Variants in STS observed in about 807,000 individuals in gnomAD.
STS encodes the protein steroid sulfatase, also known as steryl-sulfatase.
STS carries 7 observed loss-of-function variants against 26.8 expected under a neutral mutation model. That is an observed-to-expected ratio of 0.26 (90% CI 0.15 to 0.49). The LOEUF is 0.49. Among genes scored for constraint, STS ranks in the 20% least tolerant of loss-of-function variants. STS has a pLI of 0.98. For missense variants in STS, 434 were observed against 465.6 expected (o/e 0.93, Z 0.63); for synonymous variants, 199 against 189.4 (o/e 1.05, Z -0.42).
chrX:7,347,488 C>T (rs1428944519), intron 10 of STS, among the ~76,000 whole-genome samples: 1 of 111,962 alleles, frequency 8.9e-6, no homozygotes, highest in Admixed American at 9.5e-5. Context: ...CATTCCCAGG[C>T]CGGGGTGCCT....
At chrX:7,253,933 C>T (rs760346417) in intron 3 of STS, among the ~76,000 whole-genome samples, 12 of 112,656 alleles carry the variant, frequency 1.1e-4, no homozygotes, top group Middle Eastern at 9.2e-3. Flanking sequence ...GCAGATTCAG[C>T]GTCTGGTGGG....
intron 6 of STS, among the ~76,000 whole-genome samples, chrX:7,262,842 C>A (rs190713815): frequency 8.9e-6 from 1 of 111,784 alleles, no homozygotes; most frequent in Non-Finnish European, 1.9e-5. Context: ...AAAATCAACA[C>A]CAGCCTTGGA....
intron 7 of STS, among the ~76,000 whole-genome samples, chrX:7,299,072 TA>T (rs1925819829): frequency 1.1e-5 from 1 of 94,703 alleles, no homozygotes; most frequent in African/African-American, 3.9e-5. Flanking sequence ...TATTTATATA[TA>T]AATTATTTTA....
intron 1 of STS, among the ~76,000 whole-genome samples, chrX:7,163,073 AAAAAT>A (rs1395234951): frequency 1.2e-5 from 1 of 83,276 alleles, no homozygotes. Context: ...AAAAAAAAAA[AAAAAT>A]GCATGAGACA....
At chrX:7,174,191 C>A (rs1407900123) in intron 1 of STS, among the ~76,000 whole-genome samples, 3 of 111,315 alleles carry the variant, frequency 2.7e-5, no homozygotes, top group African/African-American at 9.8e-5. Context: ...CTTTAATGAA[C>A]CTAGACTTTG....
intron 10 of STS, among the ~76,000 whole-genome samples, chrX:7,346,541 A>G (rs184540582): frequency 4.9e-4 from 54 of 109,749 alleles, no homozygotes; most frequent in African/African-American, 1.8e-3. Context: ...TTTCCAGGTC[A>G]TTGGATCTCA....
At chrX:7,175,102 C>A (rs1182366649) in intron 1 of STS, among the ~76,000 whole-genome samples, 1 of 103,981 alleles carries the variant, frequency 9.6e-6, no homozygotes, top group African/African-American at 3.6e-5. Context: ...GTTCATATCA[C>A]GGTGATGGTG....
At chrX:7,276,118 G>T (rs1924524207) in intron 7 of STS, 31 bp downstream of exon 7, 1 of 1,202,599 alleles carries the variant, frequency 8.3e-7, no homozygotes, top group African/African-American at 1.8e-5. Flanking sequence ...TGCTTAGAAA[G>T]CTGCTAAGTC....
intron 2 of STS, among the ~76,000 whole-genome samples, chrX:7,193,832 G>C (rs370499820): frequency 9.0e-6 from 1 of 111,644 alleles, no homozygotes; most frequent in East Asian, 2.8e-4. Context: ...GGATTGTCAG[G>C]AGAACACTTA....
intron 1 of STS, among the ~76,000 whole-genome samples, chrX:7,153,880 C>A (rs1156243849): frequency 9.4e-6 from 1 of 106,223 alleles, no homozygotes; most frequent in Non-Finnish European, 1.9e-5. Context: ...TCCTTCCTGT[C>A]CTCCTGCTCA....
At chrX:7,246,889 C>T (rs1487113387) in intron 2 of STS, among the ~76,000 whole-genome samples, 1 of 112,699 alleles carries the variant, frequency 8.9e-6, no homozygotes, top group African/African-American at 3.2e-5. Flanking sequence ...AAGGCCTACG[C>T]CAGGGACTAA....
At chrX:7,242,609 A>T (rs759127910) in intron 2 of STS, among the ~76,000 whole-genome samples, 3 of 110,987 alleles carry the variant, frequency 2.7e-5, no homozygotes, top group Non-Finnish European at 5.7e-5. Context: ...CAAAATAAAT[A>T]AATTAATTAA....
At chrX:7,236,755 GC>G (rs2147064577) in intron 2 of STS, among the ~76,000 whole-genome samples, 1 of 111,647 alleles carries the variant, frequency 9.0e-6, no homozygotes, top group Non-Finnish European at 1.9e-5. Flanking sequence ...TTTTCTTTAA[GC>G]CAATTAATTA....
chrX:7,161,922 T>G (rs1327892049), intron 1 of STS, among the ~76,000 whole-genome samples: 3 of 111,563 alleles, frequency 2.7e-5, no homozygotes, highest in African/African-American at 9.8e-5. Flanking sequence ...CCATATTCAT[T>G]TATAATGAGA....
intron 7 of STS, 91 bp from the exon 8 acceptor site, chrX:7,304,955 T>G: frequency 9.3e-6 from 10 of 1,072,565 alleles, no homozygotes; most frequent in Non-Finnish European, 1.3e-5. Flanking sequence ...ACTTCCACCT[T>G]GAGAAATTAG....
At position 7,349,315 on chromosome X, in the gene STS, C is replaced by CTTTTTTTTTTTTTTTTTTTTTTTTTTTTT. The variant is rs1928669611; in HGVS notation, c.1364-573_1364-572insTTTTTTTTTTTTTTTTTTTTTTTTTTTTT. Among the ~76,000 whole-genome samples, 2 of 20,285 alleles carry CTTTTTTTTTTTTTTTTTTTTTTTTTTTTT rather than the reference C, an allele frequency of 9.9e-5. 1 individual carries two copies. Among genetic ancestry groups the CTTTTTTTTTTTTTTTTTTTTTTTTTTTTT allele is most frequent in the African/African-American group, 3.5e-4 (2 of 5,711 alleles). 17.6% of individuals were successfully genotyped at this position (20,285 alleles called of 115,157 possible). The stretch of plus-strand genomic sequence containing the variant: ...CGCTGCACTCGGCCCTCATTTAATT[C>CTTTTTTTTTTTTTTTTTTTTTTTTTTTTT]CTTTTTTTTTTTTTTTTTTTTTTTT... On this transcript the variant is annotated intron_variant, in intron 10 of 10. Transcript: ENST00000674429.
intron 1 of STS, among the ~76,000 whole-genome samples, chrX:7,179,111 C>T (rs1434064398): frequency 2.8e-5 from 3 of 109,042 alleles, no homozygotes; most frequent in African/African-American, 1.0e-4. Flanking sequence ...GACTTACTTT[C>T]TCTAGTCCTT....
In STS at chrX:7,325,359, G is replaced by A; in HGVS notation, c.1102G>A (p.Glu368Lys). Residue 368 changes from glutamate to lysine, a missense_variant, in exon 9 of 11, where the codon GAA (glutamate) becomes AAA (lysine). By Grantham distance (56) the Glu-to-Lys change is moderately conservative. Transcript: ENST00000674429. ...TTTAGGAGGAAAAGCAAACAACTGG[G>A]AAGGAGGTATCCGGGTTCCAGGCAT... ...IYKGGKANNW[E>K]GGIRVPGILR... The A allele has an allele frequency of 8.3e-7, 1 of 1,211,403 alleles. No homozygotes were observed. The highest frequency in any genetic ancestry group is 1.1e-6 in the Non-Finnish European group (1 of 895,332).
chrX:7,198,208 GT>G (rs1489747501), intron 2 of STS, among the ~76,000 whole-genome samples: 1 of 110,814 alleles, frequency 9.0e-6, no homozygotes, highest in South Asian at 3.9e-4. Context: ...TGGAGACTGA[GT>G]TTTTTTTAAG....
Sources: allele counts gnomAD v4.1 joint callset (sites outside exome capture counted in the v4.1 genomes callset), GRCh38; gene constraint gnomAD v4.1.1; transcripts MANE v1.5; gene names NCBI Gene and HGNC (gene_info 2026-07-23, HGNC 2026-07-21).